Variants in PPARGC1A observed in about 807,000 individuals in gnomAD.
PPARGC1A encodes the protein peroxisome proliferator-activated receptor gamma coactivator 1-alpha.
Under a neutral mutation model 88.7 loss-of-function variants are expected in PPARGC1A, and 25 were observed. The ratio of observed to expected loss-of-function variants is 0.28; its 90% CI spans 0.21 to 0.39. PPARGC1A has a LOEUF of 0.39. Among genes scored for constraint, PPARGC1A ranks in the 10% least tolerant of loss-of-function variants. The pLI is 1.00. For synonymous variants in PPARGC1A, 363 were observed against 355.6 expected, an observed-to-expected ratio of 1.02 and a Z score of -0.24; for missense variants, 880 against 968.7, an observed-to-expected ratio of 0.91 and a Z score of 1.22.
At chr4:23,814,740 A>G in intron 7 of PPARGC1A, 135 bp from the exon 8 acceptor site, 1 of 848,394 alleles carries the variant, frequency 1.2e-6, no homozygotes, top group East Asian at 2.8e-5. Flanking sequence ...GTGAAGAAGA[A>G]GGAAACTAAT....
chr4:24,140,531 C>A, the PPARGC1A span, among the ~76,000 whole-genome samples: 1 of 152,194 alleles, frequency 6.6e-6, no homozygotes, highest in Non-Finnish European at 1.5e-5. Flanking sequence ...TGATAATACA[C>A]TCTGCCCTCA....
the PPARGC1A span, among the ~76,000 whole-genome samples, chr4:24,201,336 A>G: frequency 2.6e-5 from 4 of 152,238 alleles, no homozygotes; most frequent in South Asian, 2.1e-4. Flanking sequence ...CAAAAGTTAC[A>G]TTGCCAACCC....
At chr4:23,874,769 A>C (rs527639341) in intron 2 of PPARGC1A, among the ~76,000 whole-genome samples, 2 of 152,324 alleles carry the variant, frequency 1.3e-5, no homozygotes, top group East Asian at 1.9e-4. Context: ...TCAAATCATA[A>C]GCTGTCACAG....
chr4:24,006,680 C>A, the PPARGC1A span, among the ~76,000 whole-genome samples: 4 of 152,102 alleles, frequency 2.6e-5, no homozygotes, highest in African/African-American at 4.8e-5. Context: ...TTTCTCCTGC[C>A]ATATTGTAGC....
chr4:23,973,484 A>AAG, the PPARGC1A span, among the ~76,000 whole-genome samples: 4 of 151,750 alleles, frequency 2.6e-5, no homozygotes, highest in Admixed American at 2.6e-4. Flanking sequence ...TTGTTTCTTA[A>AAG]AGAGAGAGAG....
the PPARGC1A span, among the ~76,000 whole-genome samples, chr4:24,005,564 T>G: frequency 6.6e-6 from 1 of 152,222 alleles, no homozygotes; most frequent in African/African-American, 2.4e-5. Flanking sequence ...GATCACGGAA[T>G]GTAAGACAGC....
intron 7 of PPARGC1A, among the ~76,000 whole-genome samples, chr4:23,819,300 T>C (rs1722560791): frequency 6.6e-6 from 1 of 152,178 alleles, no homozygotes; most frequent in Non-Finnish European, 1.5e-5. Flanking sequence ...CAACAGACCC[T>C]GCTGGTCCTC....
At chr4:23,987,860 T>C in the PPARGC1A span, among the ~76,000 whole-genome samples, 1 of 152,050 alleles carries the variant, frequency 6.6e-6, no homozygotes, top group Non-Finnish European at 1.5e-5. Flanking sequence ...TACATAGGTA[T>C]GCACCTGCCA....
chr4:23,868,460 A>T (rs1712542696), intron 2 of PPARGC1A, among the ~76,000 whole-genome samples: 1 of 152,168 alleles, frequency 6.6e-6, no homozygotes, highest in Admixed American at 6.5e-5. Flanking sequence ...TGAATTTGGT[A>T]GAGCCCCTGT....
the PPARGC1A span, among the ~76,000 whole-genome samples, chr4:24,241,887 T>C: frequency 6.6e-6 from 1 of 151,360 alleles, no homozygotes; most frequent in African/African-American, 2.5e-5. Context: ...CTGTATGTGG[T>C]TGAATATTTT....
the PPARGC1A span, among the ~76,000 whole-genome samples, chr4:24,314,731 C>G: frequency 6.6e-6 from 1 of 151,922 alleles, no homozygotes; most frequent in African/African-American, 2.4e-5. Flanking sequence ...TTTGCAAAAA[C>G]AAAAATGTGT....
At chr4:23,877,318 C>T (rs951611306) in intron 2 of PPARGC1A, among the ~76,000 whole-genome samples, 4 of 136,110 alleles carry the variant, frequency 2.9e-5, no homozygotes, top group Non-Finnish European at 4.5e-5. Flanking sequence ...AGATTGAGAC[C>T]ATCCTGGCTA....
At position 23,831,639 on chromosome 4, in the gene PPARGC1A, T is replaced by C; in HGVS notation, c.347A>G (p.Asp116Gly). 6.2e-7 allele frequency: 1 copy of C among 1,614,080 alleles called. No individual in the cohort carries two copies. The highest frequency in any genetic ancestry group is 1.3e-5 in the African/African-American group (1 of 75,018). Residue 116 changes from aspartate to glycine, a missense_variant, in exon 3 of 13, where the codon GAC becomes GGC. Transcript: ENST00000264867. ...LPSFDALTDGDVTTDNEASPS... is the reference protein window; with the variant it reads ...LPSFDALTDGGVTTDNEASPS... ...ACTAGCCTCATTGTCAGTGGTCACG[T>C]CTCCATCTGTCAGCGCATCAAATGA...
At chr4:24,278,765 T>G in the PPARGC1A span, among the ~76,000 whole-genome samples, 3 of 152,196 alleles carry the variant, frequency 2.0e-5, no homozygotes, top group African/African-American at 7.2e-5. Context: ...TTGTGAGCTT[T>G]GTAAGGAAAA....
the PPARGC1A span, among the ~76,000 whole-genome samples, chr4:24,107,568 T>A: frequency 6.6e-6 from 1 of 152,244 alleles, no homozygotes; most frequent in African/African-American, 2.4e-5. Flanking sequence ...TCCCCAGCTA[T>A]AAGTAGACCT....
At chr4:24,011,022 T>C in the PPARGC1A span, among the ~76,000 whole-genome samples, 1 of 152,138 alleles carries the variant, frequency 6.6e-6, no homozygotes, top group Non-Finnish European at 1.5e-5. Flanking sequence ...CTGGGGAATG[T>C]GCTGAGATGT....
the PPARGC1A span, among the ~76,000 whole-genome samples, chr4:24,360,756 A>G: frequency 6.6e-6 from 1 of 152,244 alleles, no homozygotes; most frequent in Non-Finnish European, 1.5e-5. Context: ...AATAGGAAGA[A>G]TAGCATCTAA....
At chr4:24,280,241 A>G in the PPARGC1A span, among the ~76,000 whole-genome samples, 2 of 152,220 alleles carry the variant, frequency 1.3e-5, no homozygotes, top group South Asian at 2.1e-4. Context: ...TACTCGTGGA[A>G]TTTGGCAGCC....
chr4:24,308,660 G>A, the PPARGC1A span, among the ~76,000 whole-genome samples: 1,074 of 152,208 alleles, frequency 7.1e-3, 7 homozygotes, highest in Non-Finnish European at 0.012. Flanking sequence ...CAAGTGTGAG[G>A]GTGAGAGGAA....
Sources: allele counts gnomAD v4.1 joint callset (sites outside exome capture counted in the v4.1 genomes callset), GRCh38; gene constraint gnomAD v4.1.1; transcripts MANE v1.5; gene names NCBI Gene and HGNC (gene_info 2026-07-23, HGNC 2026-07-21).